Variants in WARS2 observed in about 807,000 individuals in gnomAD.
WARS2 encodes tryptophan--tRNA ligase, mitochondrial.
Under a neutral mutation model 36.5 loss-of-function variants are expected in WARS2, and 28 were observed. That is an observed-to-expected ratio of 0.77 (90% CI 0.57 to 1.05). The LOEUF (loss-of-function observed/expected upper bound fraction) is 1.05, where lower values mean the gene tolerates loss of function less well. WARS2 is among the 50% of genes least tolerant of loss of function. The probability of loss-of-function intolerance (pLI) is 0.00; values close to 1 mark genes in which losing one functional copy is unlikely to be tolerated. For missense variants in WARS2, 435 were observed against 456.8 expected (o/e 0.95, Z 0.44); for synonymous variants, 174 against 178.4 (o/e 0.98, Z 0.20).
At chr1:119,057,493 T>G (rs1649925378) in intron 2 of WARS2, among the ~76,000 whole-genome samples, 1 of 151,866 alleles carries the variant, frequency 6.6e-6, no homozygotes, top group Non-Finnish European at 1.5e-5. Flanking sequence ...AAGTGGCCAT[T>G]TAAAATATTA....
chr1:119,097,148 A>AC (rs1653497989), intron 1 of WARS2, among the ~76,000 whole-genome samples: 1 of 152,228 alleles, frequency 6.6e-6, no homozygotes, highest in African/African-American at 2.4e-5. Flanking sequence ...CTGGGTAAAA[A>AC]CAATGCTATT....
At chr1:119,041,596 C>T (rs547466918) in intron 4 of WARS2, among the ~76,000 whole-genome samples, 3 of 152,252 alleles carry the variant, frequency 2.0e-5, no homozygotes, top group African/African-American at 4.8e-5. Flanking sequence ...AAGTTCAGTT[C>T]CTCTGTGGCA....
chr1:119,116,312 G>A (rs112508151), intron 1 of WARS2, among the ~76,000 whole-genome samples: 46 of 152,244 alleles, frequency 3.0e-4, no homozygotes, highest in South Asian at 1.9e-3. Context: ...AGGTTCTTCC[G>A]TAAAACAAAG....
At chr1:119,127,510 G>GT (rs1301535387) in intron 1 of WARS2, among the ~76,000 whole-genome samples, 1 of 152,184 alleles carries the variant, frequency 6.6e-6, no homozygotes, top group Admixed American at 6.5e-5. Flanking sequence ...GAGAGGCTCA[G>GT]TAACTTGCTC....
intron 1 of WARS2, among the ~76,000 whole-genome samples, chr1:119,110,409 T>C (rs1654544821): frequency 6.6e-6 from 1 of 152,068 alleles, no homozygotes. Flanking sequence ...GGAACAGAAT[T>C]CCAGATTGAT....
Position 119,031,613 on chromosome 1 carries a change from G to A in WARS2, c.*1298C>T, listed in dbSNP as rs951228896. 6.6e-6 allele frequency: 1 copy of A among 152,068 alleles called. No homozygotes were observed. The highest frequency in any genetic ancestry group is 2.4e-5 in the African/African-American group (1 of 41,394). The allele number at this position is 152,068 out of a possible 1,614,324, so 9.4% of individuals were successfully genotyped here. A position where few individuals can be genotyped will look rare whatever the true frequency, so the allele number is the denominator to read the frequency against. ...TATAAGCAATTTCTGTTACAAAATC[G>A]ATCTTGCTAACAGGTCTTGGTGTAT... On this transcript the variant is annotated 3_prime_UTR_variant, in exon 6 of 6. Transcript: ENST00000235521.
chr1:119,128,631 G>C (rs906417232), intron 1 of WARS2, among the ~76,000 whole-genome samples: 1 of 120,250 alleles, frequency 8.3e-6, no homozygotes, highest in African/African-American at 3.2e-5. Flanking sequence ...TATTCTTAAT[G>C]ATCTCCCTGC....
intron 2 of WARS2, among the ~76,000 whole-genome samples, chr1:119,049,790 C>T (rs879781156): frequency 8.5e-5 from 13 of 152,318 alleles, no homozygotes; most frequent in South Asian, 4.1e-4. Context: ...CTTGTTGCCT[C>T]TACCTTCAAA....
intron 2 of WARS2, among the ~76,000 whole-genome samples, chr1:119,070,833 C>T (rs372708971): frequency 3.9e-5 from 6 of 152,044 alleles, no homozygotes; most frequent in East Asian, 3.9e-4. Context: ...TCAGCTCCCC[C>T]ACTACTGAAG....
intron 5 of WARS2, 102 bp from the exon 6 acceptor site, chr1:119,033,461 TTA>T (rs1647619819): frequency 6.8e-7 from 1 of 1,464,762 alleles, no homozygotes; most frequent in East Asian, 2.3e-5. Context: ...ATGGTTTGAA[TTA>T]TGATTTTTCA....
chr1:119,108,113 A>G (rs1654371659), intron 1 of WARS2, among the ~76,000 whole-genome samples: 1 of 152,028 alleles, frequency 6.6e-6, no homozygotes. Context: ...ATCCATATTC[A>G]TAAGACATAC....
chr1:119,125,882 C>T (rs1021306249), intron 1 of WARS2, among the ~76,000 whole-genome samples: 5 of 152,192 alleles, frequency 3.3e-5, no homozygotes, highest in Admixed American at 1.3e-4. Context: ...TCCTCAACCT[C>T]AATCCTTTAT....
At chr1:119,134,430 GA>G in intron 1 of WARS2, among the ~76,000 whole-genome samples, 1 of 150,114 alleles carries the variant, frequency 6.7e-6, no homozygotes, top group East Asian at 2.0e-4. Context: ...AGTAGCTCTA[GA>G]AAAAAAACAG....
rs587708435 is a variant in WARS2 at position 119,078,122 on chromosome 1, T to C, written c.91-1515A>G. On this transcript the variant is annotated intron_variant, in intron 1 of 5. Coordinates refer to ENST00000235521, the MANE Select transcript of WARS2 (RefSeq NM_015836.4). ...GTCACACAGCTAGTAAGTGGTGGAG[T>C]TGAGGTTTCAGGCCAGATATCACTG... Among the ~76,000 whole-genome samples the C allele has an allele frequency of 2.4e-4, 37 of 152,246 alleles. No homozygotes were observed. In the South Asian group the frequency reaches 7.3e-3, roughly 30 times the overall value.
At chr1:119,062,258 G>T (rs1259785157) in intron 2 of WARS2, among the ~76,000 whole-genome samples, 1 of 152,170 alleles carries the variant, frequency 6.6e-6, no homozygotes, top group Non-Finnish European at 1.5e-5. Flanking sequence ...AAGCTACCTT[G>T]CTGGCAAGCT....
At chr1:119,113,680 T>C (rs1654791904) in intron 1 of WARS2, among the ~76,000 whole-genome samples, 1 of 152,106 alleles carries the variant, frequency 6.6e-6, no homozygotes, top group Admixed American at 6.6e-5. Flanking sequence ...AAGACAAAAC[T>C]GAACAAAAAG....
chr1:119,053,795 C>T (rs1238019332), intron 2 of WARS2, among the ~76,000 whole-genome samples: 1 of 152,104 alleles, frequency 6.6e-6, no homozygotes, highest in Non-Finnish European at 1.5e-5. Context: ...CCACTAATGC[C>T]AGCACTTGGG....
chr1:119,055,152 A>C (rs948894708), intron 2 of WARS2, among the ~76,000 whole-genome samples: 5 of 152,222 alleles, frequency 3.3e-5, no homozygotes, highest in African/African-American at 1.2e-4. Flanking sequence ...GTTTTGTTTC[A>C]ATAAATTGTT....
At chr1:119,110,210 T>C (rs1259644524) in intron 1 of WARS2, among the ~76,000 whole-genome samples, 1 of 152,048 alleles carries the variant, frequency 6.6e-6, no homozygotes, top group Admixed American at 6.6e-5. Context: ...TACTTTCACT[T>C]ATTCTTTCTC....
Sources: allele counts gnomAD v4.1 joint callset (sites outside exome capture counted in the v4.1 genomes callset), GRCh38; gene constraint gnomAD v4.1.1; transcripts MANE v1.5; gene names NCBI Gene and HGNC (gene_info 2026-07-23, HGNC 2026-07-21).